RSU1: variants seen among roughly 807,000 people sequenced by gnomAD.
RSU1 encodes the protein rsu-1.
A neutral mutation model predicts 31.1 loss-of-function variants in RSU1; 26 were observed. That is an observed-to-expected ratio of 0.84 (90% CI 0.61 to 1.16). The LOEUF is 1.16. RSU1 is among the 50% of genes most tolerant of loss of function. RSU1 has a pLI of 0.00. For missense variants in RSU1, 320 were observed against 339.1 expected, an observed-to-expected ratio of 0.94 and a Z score of 0.44; for synonymous variants, 164 against 136.3, an observed-to-expected ratio of 1.20 and a Z score of -1.41.
chr10:16,646,712 G>A (rs1406295236), intron 8 of RSU1, among the ~76,000 whole-genome samples: 3 of 152,194 alleles, frequency 2.0e-5, no homozygotes, highest in Admixed American at 2.0e-4. Context: ...AGATACCATG[G>A]TGGCAAGCAT....
At chr10:16,811,441 G>A (rs1838407215) in intron 2 of RSU1, among the ~76,000 whole-genome samples, 1 of 152,184 alleles carries the variant, frequency 6.6e-6, no homozygotes, top group African/African-American at 2.4e-5. Context: ...CCTATGAGGT[G>A]CTCTTATTAT....
chr10:16,667,846 A>G (rs1254079776), intron 8 of RSU1, among the ~76,000 whole-genome samples: 1 of 152,190 alleles, frequency 6.6e-6, no homozygotes, highest in East Asian at 1.9e-4. Flanking sequence ...AGCCTGCCAG[A>G]TATCAGGTAC....
At chr10:16,810,474 C>A (rs575927557) in intron 2 of RSU1, among the ~76,000 whole-genome samples, 1 of 152,084 alleles carries the variant, frequency 6.6e-6, no homozygotes, top group African/African-American at 2.4e-5. Flanking sequence ...AGCAGCCGCC[C>A]CCCGGGCTAT....
chr10:16,801,694 C>T (rs1270532080), intron 2 of RSU1, among the ~76,000 whole-genome samples: 1 of 149,660 alleles, frequency 6.7e-6, no homozygotes, highest in East Asian at 1.9e-4. Context: ...TATATGCTCT[C>T]AGTCCACATT....
intron 8 of RSU1, among the ~76,000 whole-genome samples, chr10:16,620,163 G>C (rs80303071): frequency 0.013 from 2,039 of 152,256 alleles, 46 homozygotes; most frequent in African/African-American, 0.046. Flanking sequence ...TAACCTATCT[G>C]AGGTTCAGTT....
intron 7 of RSU1, among the ~76,000 whole-genome samples, chr10:16,722,790 GTGTC>G (rs1364457306): frequency 6.6e-6 from 1 of 151,142 alleles, no homozygotes; most frequent in Non-Finnish European, 1.5e-5. Flanking sequence ...GTGTATGTGT[GTGTC>G]TATATACATA....
At chr10:16,814,528 A>C (rs1331567913) in intron 2 of RSU1, among the ~76,000 whole-genome samples, 1 of 151,766 alleles carries the variant, frequency 6.6e-6, no homozygotes, top group East Asian at 1.9e-4. Flanking sequence ...TAATACTTGT[A>C]TATATTAAGC....
intron 8 of RSU1, among the ~76,000 whole-genome samples, chr10:16,674,565 C>T (rs139059159): frequency 1.2e-3 from 186 of 152,080 alleles, no homozygotes; most frequent in Non-Finnish European, 2.3e-3. Flanking sequence ...CTACGTCTCC[C>T]GCTCTTGCAG....
At chr10:16,667,203 G>A (rs1268132713) in intron 8 of RSU1, among the ~76,000 whole-genome samples, 1 of 152,148 alleles carries the variant, frequency 6.6e-6, no homozygotes, top group African/African-American at 2.4e-5. Context: ...TCTCTGGGAA[G>A]CAATATATTT....
intron 7 of RSU1, among the ~76,000 whole-genome samples, chr10:16,701,867 A>G (rs1835801295): frequency 6.6e-6 from 1 of 152,224 alleles, no homozygotes; most frequent in Non-Finnish European, 1.5e-5. Flanking sequence ...TTAACCAGCA[A>G]CAGAACAGTG....
chr10:16,738,896 T>G (rs945295333), intron 7 of RSU1, among the ~76,000 whole-genome samples: 1 of 148,152 alleles, frequency 6.7e-6, no homozygotes, highest in Non-Finnish European at 1.5e-5. Flanking sequence ...GGGTGTGATG[T>G]TCCCCTCCCT....
intron 2 of RSU1, among the ~76,000 whole-genome samples, chr10:16,791,723 G>A (rs1157961054): frequency 1.3e-5 from 2 of 151,954 alleles, no homozygotes; most frequent in Non-Finnish European, 2.9e-5. Context: ...GCAGGTATCA[G>A]TATTTGAAAT....
chr10:16,758,226 A>G (rs1324485975), intron 4 of RSU1, among the ~76,000 whole-genome samples: 1 of 152,240 alleles, frequency 6.6e-6, no homozygotes, highest in Admixed American at 6.5e-5. Flanking sequence ...AGCCCCAGCT[A>G]CAAAGCGGCC....
rs529382536 is a variant in RSU1 at position 16,594,411 on chromosome 10, A to AT, written c.732-916dup. On this transcript the variant is annotated intron_variant, in intron 8 of 8. Transcript: ENST00000345264. ...TGTTTAGCATATACTGGCGTCCGGCATTTTTTTTTTTTTCCTGAGTGTCTC... is the reference window on the plus strand; with the variant it reads ...TGTTTAGCATATACTGGCGTCCGGCATTTTTTTTTTTTTTCCTGAGTGTCTC... 7.8e-3 allele frequency among the ~76,000 whole-genome samples: 1,104 copies of AT among 141,442 alleles called. 18 individuals carry two copies. Among genetic ancestry groups the AT allele is most frequent in the African/African-American group, 0.024 (930 of 38,764 alleles). 92.8% of individuals were successfully genotyped at this position (141,442 alleles called of 152,430 possible). A position where few individuals can be genotyped will look rare whatever the true frequency, so the allele number is the denominator to read the frequency against.
chr10:16,708,206 CAT>C lies in RSU1; in HGVS notation c.599-13053_599-13052del, dbSNP rs553388721. On this transcript the variant is annotated intron_variant, in intron 7 of 8. Coordinates refer to ENST00000345264, the MANE Select transcript of RSU1 (RefSeq NM_012425.4). ...TATTGATCAGAAACCTTACGGATAACATAGTCAATTAACATATTTTGTCTGTT... is the reference window on the plus strand; with the variant it reads ...TATTGATCAGAAACCTTACGGATAACAGTCAATTAACATATTTTGTCTGTT... Among the ~76,000 whole-genome samples, 295 of 152,208 alleles carry C rather than the reference CAT, an allele frequency of 1.9e-3. 2 individuals carry two copies. The highest frequency in any genetic ancestry group is 6.7e-3 in the African/African-American group (277 of 41,550).
At chr10:16,804,260 A>G (rs1411724257) in intron 2 of RSU1, among the ~76,000 whole-genome samples, 2 of 152,224 alleles carry the variant, frequency 1.3e-5, no homozygotes, top group African/African-American at 4.8e-5. Flanking sequence ...AATGGAAACA[A>G]TGAGATACCA....
intron 7 of RSU1, among the ~76,000 whole-genome samples, chr10:16,704,638 T>C (rs759035981): frequency 6.6e-6 from 1 of 152,376 alleles, no homozygotes. Context: ...CCCAGAATTC[T>C]GTCATCAGAA....
chr10:16,729,940 G>A (rs1391776515), intron 7 of RSU1, among the ~76,000 whole-genome samples: 1 of 152,144 alleles, frequency 6.6e-6, no homozygotes, highest in Non-Finnish European at 1.5e-5. Flanking sequence ...TTGCTATAAT[G>A]GAATACTTGA....
chr10:16,726,700 G>A (rs1836403843), intron 7 of RSU1, among the ~76,000 whole-genome samples: 1 of 152,048 alleles, frequency 6.6e-6, no homozygotes, highest in African/African-American at 2.4e-5. Context: ...ACTTTTATGA[G>A]AGCAATACCA....
Sources: gnomAD v4.1 joint callset for allele counts (sites outside exome capture counted in the v4.1 genomes callset) on GRCh38, gnomAD v4.1.1 for gene constraint, MANE v1.5 for transcripts, NCBI Gene and HGNC (gene_info 2026-07-23, HGNC 2026-07-21) for gene names.